Variants in SYNE2 observed in about 807,000 individuals in gnomAD.
SYNE2 encodes nesprin-2.
In SYNE2, 431 loss-of-function variants were observed where a neutral mutation model predicts 856.3. That is an observed-to-expected ratio of 0.50 (90% CI 0.47 to 0.55). The LOEUF (loss-of-function observed/expected upper bound fraction) is 0.55, where lower values mean the gene tolerates loss of function less well. SYNE2 is among the 20% of genes least tolerant of loss of function. The probability of loss-of-function intolerance (pLI) is 0.00; values close to 1 mark genes in which losing one functional copy is unlikely to be tolerated. For synonymous variants in SYNE2, 2,923 were observed against 2,872.3 expected (o/e 1.02, Z -0.56); for missense variants, 8,129 against 8,023.2 (o/e 1.01, Z -0.50).
At chr14:63,948,750 G>A (rs1455280198) in intron 6 of SYNE2, among the ~76,000 whole-genome samples, 8,319 of 95,668 alleles carry the variant, frequency 0.087, 930 homozygotes, top group African/African-American at 0.16. Context: ...ATATGTGTGT[G>A]TATATATATG....
At chr14:63,988,171 A>C (rs917907086) in intron 19 of SYNE2, among the ~76,000 whole-genome samples, 8 of 152,100 alleles carry the variant, frequency 5.3e-5, no homozygotes, top group African/African-American at 1.9e-4. Context: ...CGACCTCCCC[A>C]GGTTCAAGTG....
At chr14:64,022,316 G>T (rs1469147804) in intron 37 of SYNE2, among the ~76,000 whole-genome samples, 4 of 152,168 alleles carry the variant, frequency 2.6e-5, no homozygotes, top group Non-Finnish European at 4.4e-5. Context: ...GGAAATACTG[G>T]TGCACAAGCG....
chr14:63,892,784 G>A (rs558852597), intron 1 of SYNE2, among the ~76,000 whole-genome samples: 9 of 149,548 alleles, frequency 6.0e-5, no homozygotes, highest in Non-Finnish European at 1.0e-4. Context: ...TGCACAGGCT[G>A]GCCTTGAACT....
intron 1 of SYNE2, among the ~76,000 whole-genome samples, chr14:63,785,977 G>A (rs1057236732): frequency 7.2e-5 from 11 of 152,126 alleles, no homozygotes; most frequent in South Asian, 4.2e-4. Flanking sequence ...GCAGCCGGGC[G>A]CAGTGGCTCA....
intron 1 of SYNE2, among the ~76,000 whole-genome samples, chr14:63,803,730 A>G (rs1304488012): frequency 6.6e-6 from 1 of 152,234 alleles, no homozygotes. Flanking sequence ...CGGTAGGCTG[A>G]AGGGCTCCTC....
chr14:64,153,000 C>T (rs2098256464), intron 85 of SYNE2, among the ~76,000 whole-genome samples: 1 of 152,136 alleles, frequency 6.6e-6, no homozygotes, highest in South Asian at 2.1e-4. Flanking sequence ...TCTCCATACC[C>T]CAAACCCAAC....
intron 62 of SYNE2, 53 bp from the exon 63 acceptor site, chr14:64,098,694 G>C: frequency 6.3e-7 from 1 of 1,579,344 alleles, no homozygotes; most frequent in Non-Finnish European, 8.7e-7. Context: ...CTGGGATCTT[G>C]GTGATGTTGA....
At chr14:63,948,354 C>T (rs2096070303) in intron 6 of SYNE2, among the ~76,000 whole-genome samples, 1 of 151,898 alleles carries the variant, frequency 6.6e-6, no homozygotes, top group African/African-American at 2.4e-5. Flanking sequence ...TCATTTGACC[C>T]ATGGGCCATA....
intron 45 of SYNE2, among the ~76,000 whole-genome samples, 179 bp from the exon 46 acceptor site, chr14:64,047,821 G>A (rs116167733): frequency 3.0e-4 from 45 of 152,134 alleles, no homozygotes; most frequent in African/African-American, 1.1e-3. Flanking sequence ...TTTCATCTTG[G>A]GGTAATACCA....
At chr14:64,131,442 G>C (rs2153680714) in intron 76 of SYNE2, among the ~76,000 whole-genome samples, 1 of 152,314 alleles carries the variant, frequency 6.6e-6, no homozygotes, top group Non-Finnish European at 1.5e-5. Flanking sequence ...TCATTCTCTT[G>C]AGTAGAAGTT....
intron 47 of SYNE2, 47 bp downstream of exon 47, chr14:64,049,923 C>G: frequency 6.2e-7 from 1 of 1,606,206 alleles, no homozygotes; most frequent in Non-Finnish European, 8.5e-7. Flanking sequence ...TCAAGCACAA[C>G]CATCTGCCAC....
rs1051043072 is a variant in SYNE2 at position 64,091,124 on chromosome 14, T to C, written c.11976+76T>C. On this transcript the variant is annotated intron_variant, in intron 60 of 115. Coordinates refer to ENST00000555002, the MANE Select transcript of SYNE2 (RefSeq NM_182914.3). The stretch of plus-strand genomic sequence containing the variant: ...AAGCTGGTTTGGTTTTCACTTCTAA[T>C]TGAAATTCATTATTATCCTATTATT... The C allele has an allele frequency of 7.6e-6, 10 of 1,307,632 alleles. No individual in the cohort carries two copies. In the South Asian group the frequency reaches 1.1e-4, roughly 14 times the overall value. 81.0% of individuals were successfully genotyped at this position (1,307,632 alleles called of 1,614,324 possible). A position where few individuals can be genotyped will look rare whatever the true frequency, so the allele number is the denominator to read the frequency against.
rs1303291158 is a variant in SYNE2, at chr14:64,190,977, C to T, written c.18038+740C>T. The T allele has an allele frequency of 2.1e-5, 15 of 702,192 alleles. 1 individual carries two copies. Among genetic ancestry groups the T allele is most frequent in the Non-Finnish European group, 3.9e-5 (15 of 384,824 alleles). The allele number at this position is 702,192 out of a possible 1,614,324, so 43.5% of individuals were successfully genotyped here. A position where few individuals can be genotyped will look rare whatever the true frequency, so the allele number is the denominator to read the frequency against. ...GGCATACAGCGAACCGTCACTTGGCCTTGGGACCACTTGTGCAGCTGTGCT... is the reference window on the plus strand; with the variant it reads ...GGCATACAGCGAACCGTCACTTGGCTTTGGGACCACTTGTGCAGCTGTGCT... On this transcript the variant is annotated intron_variant, in intron 99 of 115. Transcript: ENST00000555002.
chr14:63,807,903 C>CATGGAT (rs1888443048), intron 1 of SYNE2, among the ~76,000 whole-genome samples: 1 of 122,592 alleles, frequency 8.2e-6, no homozygotes, highest in Admixed American at 9.8e-5. Flanking sequence ...TGTTTGGTTA[C>CATGGAT]ATGGATAAGT....
At chr14:64,215,529 C>T in intron 107 of SYNE2, 175 bp downstream of exon 107, 1 of 726,352 alleles carries the variant, frequency 1.4e-6, no homozygotes, top group East Asian at 2.7e-5. Flanking sequence ...GTGCTCCTTA[C>T]AAAACCCCAT....
At chr14:64,057,526 G>T (rs1283684420) in intron 49 of SYNE2, among the ~76,000 whole-genome samples, 8 of 151,974 alleles carry the variant, frequency 5.3e-5, no homozygotes, top group Non-Finnish European at 4.4e-5. Context: ...CTCATCTGTT[G>T]ATGGACACTT....
At chr14:64,079,854 G>A (rs2097504279) in intron 55 of SYNE2, among the ~76,000 whole-genome samples, 1 of 152,104 alleles carries the variant, frequency 6.6e-6, no homozygotes. Flanking sequence ...GACTGCAGGT[G>A]TGCGCCACTA....
In SYNE2 at chr14:63,982,128, A is replaced by G. The variant is rs564291410; in HGVS notation, c.1837-502A>G. ...CAACAACATCCATCTGTTGGACACCATGCTGCTACTAAGTTGTTGAACCTG... is the reference window on the plus strand; with the variant it reads ...CAACAACATCCATCTGTTGGACACCGTGCTGCTACTAAGTTGTTGAACCTG... On this transcript the variant is annotated intron_variant, in intron 16 of 115. Coordinates refer to ENST00000555002, the MANE Select transcript of SYNE2 (RefSeq NM_182914.3). Among the ~76,000 whole-genome samples, 15 of 152,352 alleles carry G rather than the reference A, an allele frequency of 9.8e-5. No individual in the cohort carries two copies. In the East Asian group the frequency reaches 2.1e-3, roughly 22 times the overall value.
intron 1 of SYNE2, among the ~76,000 whole-genome samples, chr14:63,862,138 C>T (rs1893903175): frequency 6.6e-6 from 1 of 152,114 alleles, no homozygotes; most frequent in Non-Finnish European, 1.5e-5. Flanking sequence ...GAATTTGAAA[C>T]CAAATCATGT....
Sources: gnomAD v4.1 joint callset for allele counts (sites outside exome capture counted in the v4.1 genomes callset) on GRCh38, gnomAD v4.1.1 for gene constraint, MANE v1.5 for transcripts, NCBI Gene and HGNC (gene_info 2026-07-23, HGNC 2026-07-21) for gene names.